The following WWOX variants were observed in gnomAD, a reference collection of about 807,000 sequenced individuals.
WWOX encodes WW domain containing oxidoreductase.
A neutral mutation model predicts 46.2 loss-of-function variants in WWOX; 69 were observed. That is an observed-to-expected ratio of 1.49 (90% CI 1.23 to 1.82). The LOEUF (loss-of-function observed/expected upper bound fraction) is 1.82. WWOX is among the 40% of genes most tolerant of loss of function. WWOX has a pLI of 0.00. For synonymous variants in WWOX, 359 were observed against 202.6 expected, an observed-to-expected ratio of 1.77 and a Z score of -6.56; for missense variants, 919 against 542.6, an observed-to-expected ratio of 1.69 and a Z score of -6.89.
chr16:78,463,458 C>T (rs1031965145), intron 8 of WWOX, among the ~76,000 whole-genome samples: 34 of 152,156 alleles, frequency 2.2e-4, no homozygotes, highest in African/African-American at 8.2e-4. Context: ...TTCACAGAAG[C>T]AGCAGCTATC....
chr16:78,940,922 T>C (rs540601356), intron 8 of WWOX, among the ~76,000 whole-genome samples: 22 of 152,084 alleles, frequency 1.4e-4, no homozygotes, highest in African/African-American at 5.1e-4. Flanking sequence ...TTTGCTTGGA[T>C]CCCAAGGAAT....
chr16:78,736,837 G>C (rs1212351233), intron 8 of WWOX, among the ~76,000 whole-genome samples: 1 of 152,020 alleles, frequency 6.6e-6, no homozygotes, highest in Non-Finnish European at 1.5e-5. Flanking sequence ...TCAAACTCCT[G>C]GGCTCATACA....
In WWOX at chr16:78,340,100, C is replaced by T. The variant is rs1381158480; in HGVS notation, c.517-46760C>T. Among the ~76,000 whole-genome samples the T allele has an allele frequency of 2.0e-5, 2 of 100,784 alleles. 1 individual carries two copies. Among genetic ancestry groups the T allele is most frequent in the Non-Finnish European group, 4.5e-5 (2 of 44,922 alleles). 66.1% of individuals were successfully genotyped at this position (100,784 alleles called of 152,430 possible). Reference sequence around the variant, plus strand: ...CATGGATGATGTTACTCTTTTAACTCTCTGATGTTAATGATAATTGTTTTA... The same window carrying T: ...CATGGATGATGTTACTCTTTTAACTTTCTGATGTTAATGATAATTGTTTTA... On this transcript the variant is annotated intron_variant, in intron 5 of 8. Transcript: ENST00000566780.
At position 78,872,157 on chromosome 16, in the gene WWOX, C is replaced by A. The variant is rs115795030; in HGVS notation, c.1057-339451C>A. Among the ~76,000 whole-genome samples, 4 of 152,272 alleles carry A rather than the reference C, an allele frequency of 2.6e-5. No homozygotes were observed. In the East Asian group the frequency reaches 7.7e-4, roughly 29 times the overall value. ...GGAATTCTGGTTATAATTGCAGGTA[C>A]TTTTAGAGACGATGTCTAACAGTGC... On this transcript the variant is annotated intron_variant, in intron 8 of 8. Transcript: ENST00000566780.
chr16:78,193,938 C>T (rs932796999), intron 5 of WWOX, among the ~76,000 whole-genome samples: 13 of 150,914 alleles, frequency 8.6e-5, no homozygotes, highest in African/African-American at 1.7e-4. Context: ...AGTGCAGTGG[C>T]GTGATCTCGG....
At chr16:78,974,628 A>C (rs1338898007) in intron 8 of WWOX, among the ~76,000 whole-genome samples, 1 of 152,200 alleles carries the variant, frequency 6.6e-6, no homozygotes, top group East Asian at 1.9e-4. Context: ...TATTACACGT[A>C]GCAAATGTCA....
At chr16:78,326,579 C>G (rs1200355758) in intron 5 of WWOX, among the ~76,000 whole-genome samples, 3 of 39,716 alleles carry the variant, frequency 7.6e-5, no homozygotes, top group African/African-American at 2.6e-4. Context: ...CTCCCCCCGC[C>G]CCCCCCCCCC....
intron 8 of WWOX, among the ~76,000 whole-genome samples, chr16:78,602,088 T>A (rs1027626308): frequency 1.3e-5 from 2 of 152,252 alleles, no homozygotes; most frequent in African/African-American, 4.8e-5. Context: ...TATTTTAAAA[T>A]GATTCTGTTG....
At chr16:78,192,491 CAA>C (rs56109773) in intron 5 of WWOX, among the ~76,000 whole-genome samples, 9 of 87,516 alleles carry the variant, frequency 1.0e-4, no homozygotes, top group Non-Finnish European at 6.5e-5. Flanking sequence ...GACTCCGTCT[CAA>C]AAAAAAAAAA....
intron 8 of WWOX, among the ~76,000 whole-genome samples, chr16:78,951,687 G>T (rs1396285269): frequency 1.3e-5 from 2 of 152,212 alleles, no homozygotes; most frequent in Non-Finnish European, 2.9e-5. Flanking sequence ...CAGGACTGCG[G>T]TTCTACCCAG....
intron 6 of WWOX, among the ~76,000 whole-genome samples, chr16:78,424,102 CT>C (rs1567564568): frequency 9.4e-6 from 1 of 106,074 alleles, no homozygotes; most frequent in Non-Finnish European, 1.9e-5. Context: ...CTTTTCTTTT[CT>C]TTTCTTTTTT....
Position 78,697,657 on chromosome 16 carries a change from C to G in WWOX, c.1056+264905C>G, listed in dbSNP as rs998783802. ...CCACCATACGTGAAAAAATGCTCAA[C>G]ATCACTAATGATCAGGGAAAGGCTA... On this transcript the variant is annotated intron_variant, in intron 8 of 8. Transcript: ENST00000566780. Among the ~76,000 whole-genome samples, 5 of 152,146 alleles carry G rather than the reference C, an allele frequency of 3.3e-5. No homozygotes were observed. The South Asian group carries it at 1.0e-3, about 32-fold the overall frequency.
chr16:78,344,764 G>A (rs72794038), intron 5 of WWOX, among the ~76,000 whole-genome samples: 13,942 of 121,358 alleles, frequency 0.11, 4,257 homozygotes, highest in East Asian at 0.22. Context: ...ATTTGGCCCT[G>A]ATAAAGCTGT....
At chr16:79,025,584 TCTC>T (rs1334282188) in intron 8 of WWOX, among the ~76,000 whole-genome samples, 1 of 151,868 alleles carries the variant, frequency 6.6e-6, no homozygotes, top group Non-Finnish European at 1.5e-5. Flanking sequence ...ACAAATAGGT[TCTC>T]CTCAGAGCCC....
At chr16:78,931,141 C>A (rs149347191) in intron 8 of WWOX, among the ~76,000 whole-genome samples, 57 of 152,244 alleles carry the variant, frequency 3.7e-4, no homozygotes, top group Non-Finnish European at 7.8e-4. Flanking sequence ...CTATCATTGT[C>A]CTTAAGGAGC....
At chr16:78,832,819 A>G (rs1420456455) in intron 8 of WWOX, among the ~76,000 whole-genome samples, 3 of 152,180 alleles carry the variant, frequency 2.0e-5, no homozygotes, top group Non-Finnish European at 4.4e-5. Context: ...GATATTCATT[A>G]CAGAACTTCC....
chr16:79,133,471 C>G (rs917461609), intron 8 of WWOX, among the ~76,000 whole-genome samples: 1 of 152,182 alleles, frequency 6.6e-6, no homozygotes, highest in Non-Finnish European at 1.5e-5. Context: ...AGTACGGTCT[C>G]TAACAGTAAA....
intron 8 of WWOX, among the ~76,000 whole-genome samples, chr16:78,766,944 C>T (rs949611014): frequency 2.0e-5 from 3 of 152,184 alleles, no homozygotes; most frequent in African/African-American, 4.8e-5. Flanking sequence ...TTCCTCACTT[C>T]CCCAAGCTTG....
At chr16:78,236,000 C>A (rs901881563) in intron 5 of WWOX, among the ~76,000 whole-genome samples, 7 of 152,178 alleles carry the variant, frequency 4.6e-5, no homozygotes, top group Non-Finnish European at 8.8e-5. Context: ...CTCAACTCTC[C>A]TGTTACAGCA....
Sources: gnomAD v4.1 joint callset for allele counts (sites outside exome capture counted in the v4.1 genomes callset) on GRCh38, gnomAD v4.1.1 for gene constraint, MANE v1.5 for transcripts, NCBI Gene and HGNC (gene_info 2026-07-23, HGNC 2026-07-21) for gene names.